The following RARB variants were observed in gnomAD, a reference collection of about 807,000 sequenced individuals.
RARB encodes the protein HBV-activated protein.
RARB carries 17 observed loss-of-function variants against 51.9 expected under a neutral mutation model. That is an observed-to-expected ratio of 0.33 (90% CI 0.22 to 0.49). RARB has a LOEUF of 0.49. RARB is among the 20% of genes least tolerant of loss of function. The pLI is 0.99. For missense variants in RARB, 369 were observed against 550.8 expected (o/e 0.67, Z 3.30); for synonymous variants, 215 against 195.4 (o/e 1.10, Z -0.84).
At chr3:25,454,768 G>C (rs1575419280) in intron 1 of RARB, among the ~76,000 whole-genome samples, 1 of 152,136 alleles carries the variant, frequency 6.6e-6, no homozygotes, top group East Asian at 1.9e-4. Flanking sequence ...AAGCATGTAA[G>C]GAATTGTGAA....
At chr3:24,958,255 GTTTTTTTTTTTTTTTT>G (rs71057692) in intron 2 of RARB, among the ~76,000 whole-genome samples, 96 of 69,472 alleles carry the variant, frequency 1.4e-3, no homozygotes, top group South Asian at 6.7e-3. Flanking sequence ...AGCTGCTCAG[GTTTTTTTTTTTTTTTT>G]TTTTTTTTTT....
In RARB at chr3:25,580,746, A is replaced by G. The variant is rs370639158; in HGVS notation, c.786+24A>G. The G allele has an allele frequency of 2.0e-5, 31 of 1,582,528 alleles. No homozygotes were observed. The African/African-American group carries it at 3.1e-4, about 16-fold the overall frequency. ...TGGTATGTGCCTTTTTGAGCTCTCA[A>G]TGGGTCTGGGGAGGGAGAGAGGGCA... On this transcript the variant is annotated intron_variant, in intron 5 of 7. Transcript: ENST00000330688.
rs560587369 is a variant in RARB at position 25,031,910 on chromosome 3, G to A, written c.-379-28215G>A. Among the ~76,000 whole-genome samples the A allele has an allele frequency of 4.6e-5, 7 of 152,162 alleles. No individual in the cohort carries two copies. In the South Asian group the frequency reaches 1.0e-3, roughly 23 times the overall value. Reference sequence around the variant, plus strand: ...CCTGACCTGAATAGAATCCACATCAGGAAAAATACATTAAGAAAGTTCATA... The same window carrying A: ...CCTGACCTGAATAGAATCCACATCAAGAAAAATACATTAAGAAAGTTCATA... On this transcript the variant is annotated intron_variant, in intron 2 of 11. Transcript: ENST00000383772.
In RARB at chr3:25,333,234, A is replaced by G. The variant is rs567499863; in HGVS notation, c.179-127959A>G. Among the ~76,000 whole-genome samples the G allele has an allele frequency of 5.8e-3, 884 of 152,264 alleles. 6 individuals are homozygous for G. Among genetic ancestry groups the G allele is most frequent in the African/African-American group, 0.018 (762 of 41,550 alleles). ...GCATTGCCAAGTCAATCCTAAGCCAAAAGAACAAAGCTGGAGGCATCACGC... is the reference window on the plus strand; with the variant it reads ...GCATTGCCAAGTCAATCCTAAGCCAGAAGAACAAAGCTGGAGGCATCACGC... On this transcript the variant is annotated intron_variant, in intron 5 of 11. Coordinates refer to the RARB transcript ENST00000383772.
At chr3:25,285,295 A>G (rs912446834) in intron 5 of RARB, among the ~76,000 whole-genome samples, 2 of 152,214 alleles carry the variant, frequency 1.3e-5, no homozygotes, top group African/African-American at 4.8e-5. Flanking sequence ...GAATTGGAAA[A>G]GGAAAGGCTT....
intron 3 of RARB, among the ~76,000 whole-genome samples, chr3:25,069,532 C>A (rs990606370): frequency 6.6e-6 from 1 of 152,180 alleles, no homozygotes; most frequent in African/African-American, 2.4e-5. Flanking sequence ...ACTCTGGAAA[C>A]TTCCCAGAGT....
At chr3:25,137,379 C>T (rs1014221263) in intron 4 of RARB, among the ~76,000 whole-genome samples, 1 of 151,988 alleles carries the variant, frequency 6.6e-6, no homozygotes, top group Admixed American at 6.6e-5. Flanking sequence ...TTGTTCCCTT[C>T]TCTTTAGCTT....
intron 3 of RARB, among the ~76,000 whole-genome samples, chr3:25,503,882 C>T (rs991172618): frequency 6.6e-6 from 1 of 152,196 alleles, no homozygotes; most frequent in Non-Finnish European, 1.5e-5. Context: ...ACTCACCTCT[C>T]TCATTTGACG....
chr3:25,254,272 C>T (rs1702803090), intron 5 of RARB, among the ~76,000 whole-genome samples: 1 of 152,092 alleles, frequency 6.6e-6, no homozygotes, highest in Non-Finnish European at 1.5e-5. Flanking sequence ...TATTTCCTGT[C>T]TTTATTTACT....
At chr3:25,066,780 T>C (rs1698672799) in intron 3 of RARB, among the ~76,000 whole-genome samples, 1 of 152,168 alleles carries the variant, frequency 6.6e-6, no homozygotes, top group African/African-American at 2.4e-5. Context: ...AAAATTATCT[T>C]TGTTAATTGC....
At position 25,248,629 on chromosome 3, in the gene RARB, A is replaced by G. The variant is rs1474994880; in HGVS notation, c.178+74054A>G. ...CTTAAAGCATTTTTTACAGGACAATACTAGTGGTGATGAATTCCTTCAGCT... is the reference window on the plus strand; with the variant it reads ...CTTAAAGCATTTTTTACAGGACAATGCTAGTGGTGATGAATTCCTTCAGCT... On this transcript the variant is annotated intron_variant, in intron 5 of 11. Coordinates refer to the RARB transcript ENST00000383772. 5.9e-5 allele frequency among the ~76,000 whole-genome samples: 9 copies of G among 152,234 alleles called. No individual in the cohort carries two copies. In the East Asian group the frequency reaches 1.7e-3, roughly 29 times the overall value.
chr3:25,259,964 G>C, intron 5 of RARB: 3 of 985,282 alleles, frequency 3.0e-6, no homozygotes, highest in Non-Finnish European at 3.6e-6. Flanking sequence ...CAGTCAGTGT[G>C]GAGCCAACTT....
At chr3:25,408,091 A>G (rs1481809943) in intron 5 of RARB, among the ~76,000 whole-genome samples, 1 of 152,104 alleles carries the variant, frequency 6.6e-6, no homozygotes, top group African/African-American at 2.4e-5. Context: ...ACCTTGTCTC[A>G]ATGTCTGTTT....
chr3:25,182,207 A>G (rs1046919480), intron 5 of RARB, among the ~76,000 whole-genome samples: 8 of 152,252 alleles, frequency 5.3e-5, no homozygotes, highest in African/African-American at 1.9e-4. Flanking sequence ...ATGAATGAAT[A>G]CATGAATGAA....
intron 1 of RARB, among the ~76,000 whole-genome samples, chr3:25,451,817 T>C (rs1709207608): frequency 6.6e-6 from 1 of 152,254 alleles, no homozygotes; most frequent in Non-Finnish European, 1.5e-5. Flanking sequence ...TGTGTGTATC[T>C]GAAATGATAT....
intron 2 of RARB, among the ~76,000 whole-genome samples, chr3:25,043,646 A>C (rs566667892): frequency 6.6e-6 from 1 of 152,174 alleles, no homozygotes; most frequent in South Asian, 2.1e-4. Flanking sequence ...GGTTTTTTTT[A>C]AAGGATACTA....
intron 2 of RARB, among the ~76,000 whole-genome samples, chr3:25,469,284 T>C (rs1695584309): frequency 6.6e-6 from 1 of 152,358 alleles, no homozygotes; most frequent in Non-Finnish European, 1.5e-5. Context: ...TTAAATGAGC[T>C]TAATGATTTT....
At chr3:25,125,872 T>C (rs1275251376) in intron 3 of RARB, among the ~76,000 whole-genome samples, 1 of 152,134 alleles carries the variant, frequency 6.6e-6, no homozygotes, top group Non-Finnish European at 1.5e-5. Context: ...CTGGAAAACA[T>C]CTTGATTTGG....
intron 1 of RARB, among the ~76,000 whole-genome samples, chr3:25,442,305 T>TAC (rs1340850767): frequency 1.2e-4 from 18 of 151,998 alleles, no homozygotes; most frequent in Admixed American, 6.6e-5. Context: ...CCAGCTAATT[T>TAC]TTGTGTTTTT....
Sources: gnomAD v4.1 joint callset for allele counts (sites outside exome capture counted in the v4.1 genomes callset) on GRCh38, gnomAD v4.1.1 for gene constraint, MANE v1.5 for transcripts, NCBI Gene and HGNC (gene_info 2026-07-23, HGNC 2026-07-21) for gene names.